Variants in ME3 observed in about 807,000 individuals in gnomAD.
The protein encoded by ME3 is malic enzyme 3.
Under a neutral mutation model 68.9 loss-of-function variants are expected in ME3, and 48 were observed. The ratio of observed to expected loss-of-function variants is 0.70; its 90% confidence interval spans 0.55 to 0.89. The LOEUF is 0.89. Among genes scored for constraint, ME3 ranks in the 40% least tolerant of loss-of-function variants. ME3 has a pLI of 0.00. For synonymous variants in ME3, 320 were observed against 318.8 expected, an observed-to-expected ratio of 1.00 and a Z score of -0.04; for missense variants, 675 against 797.4, an observed-to-expected ratio of 0.85 and a Z score of 1.85.
At chr11:86,599,029 T>TA (rs1960108811) in intron 2 of ME3, among the ~76,000 whole-genome samples, 1 of 152,170 alleles carries the variant, frequency 6.6e-6, no homozygotes, top group Admixed American at 6.5e-5. Flanking sequence ...CTGGAAACTC[T>TA]AAAAAGCAGA....
At chr11:86,607,291 G>A (rs990498061) in intron 2 of ME3, among the ~76,000 whole-genome samples, 2 of 152,082 alleles carry the variant, frequency 1.3e-5, no homozygotes, top group Non-Finnish European at 2.9e-5. Flanking sequence ...CAGACATACT[G>A]GCGGGGCTGA....
intron 2 of ME3, among the ~76,000 whole-genome samples, chr11:86,620,268 A>G (rs544773369): frequency 6.6e-6 from 1 of 152,338 alleles, no homozygotes; most frequent in East Asian, 1.9e-4. Flanking sequence ...TCTTAACTAA[A>G]TAACTATATA....
chr11:86,650,783 C>T (rs1157215253), intron 2 of ME3, among the ~76,000 whole-genome samples: 1 of 152,192 alleles, frequency 6.6e-6, no homozygotes, highest in East Asian at 1.9e-4. Context: ...GCGTGAGCTG[C>T]AGCAGGGTGA....
chr11:86,460,829 T>C (rs775281935), intron 8 of ME3, among the ~76,000 whole-genome samples: 3 of 152,224 alleles, frequency 2.0e-5, no homozygotes, highest in Non-Finnish European at 2.9e-5. Context: ...AGGGGGACCA[T>C]TGCAGCATGG....
chr11:86,580,736 GCTGGCCACTGCCATCCATA>G (rs1174839563), intron 2 of ME3, among the ~76,000 whole-genome samples: 1 of 152,180 alleles, frequency 6.6e-6, no homozygotes, highest in Non-Finnish European at 1.5e-5. Flanking sequence ...TCTGTGTGCT[GCTGGCCACTGCCATCCATA>G]CTGGCCACTG....
chr11:86,672,262 G>A (rs965773410), intron 1 of ME3, 62 bp downstream of exon 1: 4 of 309,032 alleles, frequency 1.3e-5, no homozygotes, highest in African/African-American at 8.7e-5. Flanking sequence ...GCGCGGCGAG[G>A]GGTCCCCGTA....
At chr11:86,627,897 G>C (rs1474923172) in intron 2 of ME3, among the ~76,000 whole-genome samples, 1 of 152,210 alleles carries the variant, frequency 6.6e-6, no homozygotes, top group Non-Finnish European at 1.5e-5. Flanking sequence ...TTTCAGATGA[G>C]AAAGCAGAAT....
downstream of ME3, among the ~76,000 whole-genome samples, chr11:86,440,163 G>A (rs1034062958): frequency 6.6e-6 from 1 of 152,170 alleles, no homozygotes; most frequent in Non-Finnish European, 1.5e-5. Flanking sequence ...GGTAGCAGCA[G>A]GAGTAGGACC....
chr11:86,538,509 G>A (rs150485907), intron 4 of ME3, among the ~76,000 whole-genome samples: 1 of 152,030 alleles, frequency 6.6e-6, no homozygotes, highest in Non-Finnish European at 1.5e-5. Context: ...TCCCACAACC[G>A]TCAGTCCACC....
intron 2 of ME3, among the ~76,000 whole-genome samples, chr11:86,661,279 G>A (rs925095982): frequency 1.3e-5 from 2 of 152,216 alleles, no homozygotes; most frequent in Non-Finnish European, 2.9e-5. Flanking sequence ...TGGCGTTATC[G>A]AGGAGGGCAT....
intron 2 of ME3, among the ~76,000 whole-genome samples, chr11:86,603,177 G>A (rs1449906076): frequency 6.6e-6 from 1 of 152,004 alleles, no homozygotes; most frequent in Non-Finnish European, 1.5e-5. Flanking sequence ...CAAAATGGGA[G>A]AAAATTTTCG....
chr11:86,450,804 C>G (rs1395916678), intron 8 of ME3, among the ~76,000 whole-genome samples: 3 of 152,128 alleles, frequency 2.0e-5, no homozygotes, highest in Non-Finnish European at 4.4e-5. Flanking sequence ...ATTAAATGAC[C>G]ATATGGCCTG....
At chr11:86,642,517 C>A (rs999688509) in intron 2 of ME3, among the ~76,000 whole-genome samples, 3 of 152,160 alleles carry the variant, frequency 2.0e-5, no homozygotes, top group African/African-American at 7.2e-5. Context: ...AGATCAATGA[C>A]CCCAATATTC....
chr11:86,660,528 A>G (rs778754608), intron 2 of ME3, among the ~76,000 whole-genome samples: 11 of 152,214 alleles, frequency 7.2e-5, no homozygotes, highest in Non-Finnish European at 1.2e-4. Context: ...GAAATATCCC[A>G]TATCTAGAGA....
chr11:86,544,723 A>G (rs781315605), intron 4 of ME3, among the ~76,000 whole-genome samples: 1 of 152,214 alleles, frequency 6.6e-6, no homozygotes, highest in African/African-American at 2.4e-5. Context: ...GAATTCTACT[A>G]GAGGTACAAA....
chr11:86,669,309 G>A (rs1241926393), intron 2 of ME3, among the ~76,000 whole-genome samples: 1 of 152,224 alleles, frequency 6.6e-6, no homozygotes, highest in Non-Finnish European at 1.5e-5. Context: ...AAAAGATGTT[G>A]TTTAACATCA....
intron 8 of ME3, among the ~76,000 whole-genome samples, chr11:86,459,100 A>G (rs945299893): frequency 4.6e-5 from 7 of 152,058 alleles, no homozygotes; most frequent in African/African-American, 1.7e-4. Context: ...ATCCTGGGGG[A>G]AGTGAAATGA....
Position 86,548,382 on chromosome 11 carries a change from C to T in ME3, c.467+8171G>A, listed in dbSNP as rs533072079. Among the ~76,000 whole-genome samples the T allele has an allele frequency of 1.8e-4, 27 of 152,284 alleles. No homozygotes were observed. The South Asian group carries it at 4.4e-3, about 25-fold the overall frequency. On this transcript the variant is annotated intron_variant, in intron 4 of 14. Coordinates refer to ENST00000543262, the Ensembl canonical transcript of ME3. ...TCATGTCAAATAACAGCTGAACAAC[C>T]TTATGCTTTGGAAGGACTCCTCCTC...
chr11:86,601,088 G>A (rs1960564281), intron 2 of ME3, among the ~76,000 whole-genome samples: 1 of 151,770 alleles, frequency 6.6e-6, no homozygotes, highest in Non-Finnish European at 1.5e-5. Flanking sequence ...CAGAAGGCAA[G>A]AAATAACTAA....
Sources: gnomAD v4.1 joint callset for allele counts (sites outside exome capture counted in the v4.1 genomes callset) on GRCh38, gnomAD v4.1.1 for gene constraint, MANE v1.5 for transcripts, NCBI Gene and HGNC (gene_info 2026-07-23, HGNC 2026-07-21) for gene names.